GABBR2: variants seen among roughly 807,000 people sequenced by gnomAD.
GABBR2 encodes gamma-aminobutyric acid type B receptor subunit 2.
GABBR2 carries 23 observed loss-of-function variants against 105.6 expected under a neutral mutation model. That is an observed-to-expected ratio of 0.22 (90% CI 0.16 to 0.31). The LOEUF (loss-of-function observed/expected upper bound fraction) is 0.31, where lower values mean the gene tolerates loss of function less well. Ranked by LOEUF, GABBR2 falls within the 10% of genes least tolerant of loss-of-function variation. The pLI, the probability that GABBR2 is intolerant of heterozygous loss-of-function variation, is 1.00. For synonymous variants in GABBR2, 478 were observed against 499.7 expected (o/e 0.96, Z 0.58); for missense variants, 734 against 1,245.5 (o/e 0.59, Z 6.18).
rs61391834 is a variant in GABBR2 at position 98,364,601 on chromosome 9, ATT to A, written c.1771-1766_1771-1765del. Among the ~76,000 whole-genome samples the A allele has an allele frequency of 2.5e-4, 34 of 135,180 alleles. 1 individual carries two copies. The highest frequency in any genetic ancestry group is 8.9e-4 in the African/African-American group (31 of 34,924). 88.7% of individuals were successfully genotyped at this position (135,180 alleles called of 152,430 possible). On this transcript the variant is annotated intron_variant, in intron 12 of 18. Coordinates refer to ENST00000259455, the MANE Select transcript of GABBR2 (RefSeq NM_005458.8). ...TCAAGTATGAAGTCTGAGGAAGTGGATTTTTTTTTTTTTTTTATGGAATCTTG... is the reference window on the plus strand; with the variant it reads ...TCAAGTATGAAGTCTGAGGAAGTGGATTTTTTTTTTTTTTATGGAATCTTG...
intron 1 of GABBR2, among the ~76,000 whole-genome samples, chr9:98,625,387 C>G (rs1045845686): frequency 6.6e-6 from 1 of 152,242 alleles, no homozygotes; most frequent in South Asian, 2.1e-4. Flanking sequence ...TGTCCTCATA[C>G]CCAGCGTGGC....
chr9:98,489,371 G>C (rs189940986), intron 4 of GABBR2, among the ~76,000 whole-genome samples: 1 of 152,186 alleles, frequency 6.6e-6, no homozygotes, highest in Non-Finnish European at 1.5e-5. Flanking sequence ...CTGGCACAGC[G>C]CTGACGCAGG....
chr9:98,657,698 T>C (rs1291495331), intron 1 of GABBR2, among the ~76,000 whole-genome samples: 1 of 152,232 alleles, frequency 6.6e-6, no homozygotes, highest in Non-Finnish European at 1.5e-5. Context: ...TGAATTATCA[T>C]CCCCCAAATC....
intron 2 of GABBR2, among the ~76,000 whole-genome samples, chr9:98,554,260 C>T (rs1004214820): frequency 1.7e-4 from 26 of 151,928 alleles, no homozygotes; most frequent in Non-Finnish European, 3.1e-4. Context: ...ACTTGGGAGG[C>T]TGAGGTAAGA....
intron 1 of GABBR2, among the ~76,000 whole-genome samples, chr9:98,684,101 C>T (rs4535850): frequency 1.4e-5 from 2 of 139,916 alleles, no homozygotes; most frequent in Admixed American, 1.5e-4. Context: ...AGTAGAGACT[C>T]TGGCAGAGCC....
chr9:98,372,155 T>C (rs992359532), intron 11 of GABBR2, among the ~76,000 whole-genome samples: 1 of 152,292 alleles, frequency 6.6e-6, no homozygotes, highest in Middle Eastern at 3.4e-3. Context: ...TGGTGGCTAA[T>C]GGGAACAGCC....
At chr9:98,357,246 G>A (rs1831500128) in intron 13 of GABBR2, among the ~76,000 whole-genome samples, 1 of 152,136 alleles carries the variant, frequency 6.6e-6, no homozygotes, top group African/African-American at 2.4e-5. Context: ...TGTGGGGGTG[G>A]GTGGAGGGTA....
chr9:98,590,369 C>T (rs916192131), intron 1 of GABBR2, among the ~76,000 whole-genome samples: 4 of 152,284 alleles, frequency 2.6e-5, no homozygotes, highest in East Asian at 1.9e-4. Context: ...AATTCTTGGC[C>T]GGCTGCAGAC....
intron 7 of GABBR2, among the ~76,000 whole-genome samples, chr9:98,428,465 G>T (rs751577989): frequency 4.6e-5 from 7 of 152,138 alleles, no homozygotes; most frequent in Admixed American, 1.3e-4. Flanking sequence ...CAGAAGACAG[G>T]GGATGTCATC....
intron 1 of GABBR2, among the ~76,000 whole-genome samples, chr9:98,648,116 T>TGTGTGTAGATAGATAG: frequency 1.1e-4 from 6 of 55,948 alleles, no homozygotes; most frequent in Non-Finnish European, 2.0e-4. Flanking sequence ...TGTGTGTGTG[T>TGTGTGTAGATAGATAG]ATAGATAGAT....
At chr9:98,315,099 T>C (rs977974843) in intron 13 of GABBR2, among the ~76,000 whole-genome samples, 11 of 152,298 alleles carry the variant, frequency 7.2e-5, no homozygotes, top group African/African-American at 2.6e-4. Flanking sequence ...TTCTCTTAGC[T>C]GCTCCCCTTC....
intron 11 of GABBR2, among the ~76,000 whole-genome samples, chr9:98,375,852 C>A (rs575390669): frequency 2.0e-5 from 3 of 152,170 alleles, no homozygotes; most frequent in African/African-American, 7.2e-5. Flanking sequence ...CTCTATGATG[C>A]CAAGTAAACG....
chr9:98,303,127 A>G, intron 16 of GABBR2, 114 bp downstream of exon 16: 1 of 761,374 alleles, frequency 1.3e-6, no homozygotes, highest in Non-Finnish European at 2.1e-6. Flanking sequence ...GCAGCTGATG[A>G]GACTGCACGG....
intron 1 of GABBR2, among the ~76,000 whole-genome samples, chr9:98,666,061 T>C (rs1187331064): frequency 6.6e-6 from 1 of 152,126 alleles, no homozygotes; most frequent in Non-Finnish European, 1.5e-5. Context: ...GGAAACTGCA[T>C]GAGAGCAAAG....
At position 98,496,413 on chromosome 9, in the gene GABBR2, C is replaced by T. The variant is rs1378313520; in HGVS notation, c.732G>A (p.Lys244=). 3.1e-6 allele frequency: 5 copies of T among 1,595,366 alleles called. No homozygotes were observed. The highest frequency in any genetic ancestry group is 3.4e-6 in the Non-Finnish European group (4 of 1,163,134). ...TCACCCTGTGGCTAGCCACACCTAC[C>T]TTCAGCTTTTTGACACTGGTACAGG... The part of the protein sequence containing the change: ...NDPCTSVKKL[K]GNDVRIILGQ... Residue 244 remains lysine, a splice_region_variant and synonymous_variant, in exon 4 of 19, where the codon AAG becomes AAA. Coordinates refer to ENST00000259455, the MANE Select transcript of GABBR2 (RefSeq NM_005458.8).
At chr9:98,428,362 C>G (rs796981779) in intron 7 of GABBR2, among the ~76,000 whole-genome samples, 1 of 152,176 alleles carries the variant, frequency 6.6e-6, no homozygotes, top group East Asian at 1.9e-4. Flanking sequence ...TTTCAGGAGA[C>G]GCAGCTCCAA....
At chr9:98,522,888 C>T (rs1190500995) in intron 3 of GABBR2, among the ~76,000 whole-genome samples, 2 of 151,684 alleles carry the variant, frequency 1.3e-5, no homozygotes, top group Non-Finnish European at 3.0e-5. Flanking sequence ...CAAATTAAAA[C>T]TCAGATTATA....
At chr9:98,696,498 G>A (rs1830754102) in intron 1 of GABBR2, among the ~76,000 whole-genome samples, 2 of 152,174 alleles carry the variant, frequency 1.3e-5, no homozygotes, top group Non-Finnish European at 2.9e-5. Flanking sequence ...ATTGTCTTCT[G>A]TACCTGGGGG....
chr9:98,306,632 G>T lies in GABBR2; in HGVS notation c.2005-287C>A. On this transcript the variant is annotated intron_variant, in intron 14 of 18. Coordinates refer to ENST00000259455, the MANE Select transcript of GABBR2 (RefSeq NM_005458.8). This position sits in a 1 kb window ranked among gnomAD's most constrained non-coding sequence, Gnocchi z 5.4. The stretch of plus-strand genomic sequence containing the variant: ...AGACCTGCCCAAGGCTACAGTGGAA[G>T]GGAACTTCAGATAAGATCTCAGCTT... 1 of 468,446 alleles carries T rather than the reference G, an allele frequency of 2.1e-6. No individual in the cohort carries two copies. 29.0% of individuals were successfully genotyped at this position (468,446 alleles called of 1,614,324 possible).
Sources: gnomAD v4.1 joint callset for allele counts (sites outside exome capture counted in the v4.1 genomes callset) on GRCh38, gnomAD v4.1.1 for gene constraint, Gnocchi (gnomAD v3.1) non-coding constraint, MANE v1.5 for transcripts, NCBI Gene and HGNC (gene_info 2026-07-23, HGNC 2026-07-21) for gene names.